Variants in TPTE observed in about 807,000 individuals in gnomAD.
TPTE encodes putative tyrosine-protein phosphatase TPTE.
Under a neutral mutation model 84.1 loss-of-function variants are expected in TPTE, and 59 were observed. That is an observed-to-expected ratio of 0.70 (90% CI 0.57 to 0.87). The LOEUF is 0.87. TPTE is among the 40% of genes least tolerant of loss of function. TPTE has a pLI of 0.00. For missense variants in TPTE, 382 were observed against 659.6 expected (o/e 0.58, Z 4.61); for synonymous variants, 130 against 223.5 (o/e 0.58, Z 3.73).
At chr21:10,591,206 T>C (rs1371425520) in intron 18 of TPTE, among the ~76,000 whole-genome samples, 2 of 152,308 alleles carry the variant, frequency 1.3e-5, no homozygotes, top group African/African-American at 4.8e-5. Flanking sequence ...CAAGGTGGGC[T>C]GTTTCCACTT....
intron 7 of TPTE, among the ~76,000 whole-genome samples, chr21:10,548,827 C>T (rs2074520060): frequency 6.6e-6 from 1 of 152,312 alleles, no homozygotes; most frequent in South Asian, 2.1e-4. Context: ...TGCTTCCAGG[C>T]CAGGCAAACA....
intron 21 of TPTE, 140 bp from the exon 22 acceptor site, chr21:10,601,918 A>G (rs1050004554): frequency 2.4e-5 from 20 of 847,508 alleles, no homozygotes; most frequent in Middle Eastern, 2.4e-4. Flanking sequence ...GAGATTATTA[A>G]TAATTATTTA....
At chr21:10,570,360 T>G in intron 13 of TPTE, 125 bp from the exon 14 acceptor site, 1 of 1,517,888 alleles carries the variant, frequency 6.6e-7, no homozygotes, top group Non-Finnish European at 9.0e-7. Context: ...CTCTTTTCTG[T>G]CAACCTCAAT....
intron 4 of TPTE, among the ~76,000 whole-genome samples, chr21:10,539,901 C>T (rs571027574): frequency 4.5e-4 from 69 of 152,380 alleles, no homozygotes; most frequent in African/African-American, 1.4e-3. Flanking sequence ...CCCTGCTACT[C>T]GGGAGGCTGA....
chr21:10,538,943 T>C (rs1256956798), intron 4 of TPTE, among the ~76,000 whole-genome samples: 1 of 152,312 alleles, frequency 6.6e-6, no homozygotes, highest in East Asian at 1.9e-4. Context: ...GTGGAGTTTA[T>C]TCTGGGAAGC....
chr21:10,547,194 C>T (rs113027664), intron 7 of TPTE, among the ~76,000 whole-genome samples: 153 of 152,358 alleles, frequency 1.0e-3, no homozygotes, highest in African/African-American at 3.4e-3. Flanking sequence ...AGATGGGTGA[C>T]TAGAGATGTC....
At chr21:10,594,789 G>T (rs1403683239) in intron 19 of TPTE, among the ~76,000 whole-genome samples, 2 of 152,310 alleles carry the variant, frequency 1.3e-5, no homozygotes, top group Non-Finnish European at 2.9e-5. Context: ...TCAGCTGCAC[G>T]TTTGAGAGCT....
chr21:10,539,783 G>A (rs1313352901), intron 4 of TPTE, among the ~76,000 whole-genome samples: 1 of 152,308 alleles, frequency 6.6e-6, no homozygotes, highest in Non-Finnish European at 1.5e-5. Context: ...AGGCCAGGGC[G>A]GGTGGATAAC....
intron 17 of TPTE, among the ~76,000 whole-genome samples, chr21:10,588,197 G>GTT (rs56003123): frequency 4.7e-5 from 7 of 149,574 alleles, no homozygotes; most frequent in Non-Finnish European, 7.4e-5. Context: ...TTTCTTGAGT[G>GTT]TTTTTTTTTT....
intron 9 of TPTE, 99 bp downstream of exon 9, chr21:10,559,643 G>A: frequency 2.5e-6 from 4 of 1,594,244 alleles, no homozygotes; most frequent in Non-Finnish European, 3.4e-6. Context: ...GGAGGCCGAG[G>A]CGGGCGGATC....
chr21:10,570,425 T>G, intron 13 of TPTE, 60 bp from the exon 14 acceptor site: 2 of 1,611,406 alleles, frequency 1.2e-6, no homozygotes, highest in Non-Finnish European at 1.7e-6. Context: ...AAATTAATTT[T>G]TTTGTATGTT....
intron 19 of TPTE, among the ~76,000 whole-genome samples, chr21:10,592,921 C>G (rs1452072178): frequency 6.6e-6 from 1 of 152,306 alleles, no homozygotes; most frequent in African/African-American, 2.4e-5. Flanking sequence ...GTATCCCAGA[C>G]AGTATTGCAC....
At chr21:10,550,161 C>A (rs1261336379) in intron 7 of TPTE, among the ~76,000 whole-genome samples, 1 of 152,306 alleles carries the variant, frequency 6.6e-6, no homozygotes, top group African/African-American at 2.4e-5. Context: ...AAGAAATGCC[C>A]AAGGGAGTCT....
chr21:10,553,882 A>G (rs1446639170), intron 8 of TPTE, among the ~76,000 whole-genome samples: 1 of 152,308 alleles, frequency 6.6e-6, no homozygotes, highest in Non-Finnish European at 1.5e-5. Context: ...ATTAGTAATA[A>G]AATGAAAATA....
chr21:10,577,296 G>A (rs2075175254), intron 14 of TPTE, among the ~76,000 whole-genome samples, 164 bp from the exon 15 acceptor site: 1 of 152,310 alleles, frequency 6.6e-6, no homozygotes, highest in Non-Finnish European at 1.5e-5. Flanking sequence ...AATCACAGTG[G>A]ATTAGAACTT....
intron 14 of TPTE, among the ~76,000 whole-genome samples, chr21:10,573,012 A>G (rs1448058218): frequency 1.3e-5 from 2 of 152,300 alleles, no homozygotes; most frequent in African/African-American, 4.8e-5. Flanking sequence ...TGTAATGTAA[A>G]CAGATCAAAT....
At chr21:10,527,624 C>A (rs1259356955) in intron 3 of TPTE, among the ~76,000 whole-genome samples, 2 of 152,312 alleles carry the variant, frequency 1.3e-5, no homozygotes, top group Admixed American at 6.5e-5. Context: ...ATCAGAATGC[C>A]TGTGTATGAG....
At chr21:10,592,208 G>T (rs2075491654) in intron 18 of TPTE, 85 bp from the exon 19 acceptor site, 2 of 1,586,968 alleles carry the variant, frequency 1.3e-6, no homozygotes, top group Non-Finnish European at 1.7e-6. Context: ...AGGAAAGAAG[G>T]TGGGCGTAGA....
chr21:10,547,937 T>C (rs1231604459), intron 7 of TPTE, among the ~76,000 whole-genome samples: 1 of 152,308 alleles, frequency 6.6e-6, no homozygotes, highest in South Asian at 2.1e-4. Flanking sequence ...CCCCTAAGCC[T>C]CTGAGCAGCT....
Sources: allele counts gnomAD v4.1 joint callset (sites outside exome capture counted in the v4.1 genomes callset), GRCh38; gene constraint gnomAD v4.1.1; transcripts MANE v1.5; gene names NCBI Gene and HGNC (gene_info 2026-07-23, HGNC 2026-07-21).